Variants in PCDH15 observed in about 807,000 individuals in gnomAD.
PCDH15 encodes protocadherin related 15, also known as protocadherin-15.
PCDH15 carries 129 observed loss-of-function variants against 178.5 expected under a neutral mutation model. The observed-to-expected ratio is 0.72, with a 90% confidence interval of 0.63 to 0.84. PCDH15 has a LOEUF of 0.84. Ranked by LOEUF, PCDH15 falls within the 40% of genes least tolerant of loss-of-function variation. PCDH15 has a pLI of 0.00. For synonymous variants in PCDH15, 800 were observed against 732.0 expected (o/e 1.09, Z -1.50); for missense variants, 2,230 against 2,099.9 (o/e 1.06, Z -1.21).
chr10:54,381,381 C>G (rs1218172277), intron 3 of PCDH15, among the ~76,000 whole-genome samples: 2 of 152,066 alleles, frequency 1.3e-5, no homozygotes, highest in East Asian at 3.9e-4. Flanking sequence ...GTGTTCTAGA[C>G]AATATTGGCA....
At chr10:55,348,151 C>T (rs1844813261) in intron 2 of PCDH15, among the ~76,000 whole-genome samples, 1 of 152,110 alleles carries the variant, frequency 6.6e-6, no homozygotes, top group African/African-American at 2.4e-5. Context: ...TCCCATGCTT[C>T]CCTTTCCAAT....
chr10:54,739,498 C>T (rs996252253), intron 1 of PCDH15, among the ~76,000 whole-genome samples: 1 of 151,020 alleles, frequency 6.6e-6, no homozygotes, highest in Non-Finnish European at 1.5e-5. Context: ...TTCATACCAG[C>T]TAAAGTGATC....
At chr10:53,821,910 T>C (rs931395591) in intron 32 of PCDH15, 1 of 1,613,728 alleles carries the variant, frequency 6.2e-7, no homozygotes, top group Non-Finnish European at 8.5e-7. Context: ...CTCGACAATA[T>C]TGTTCAAACT....
chr10:54,896,473 A>T (rs917135434), intron 3 of PCDH15, among the ~76,000 whole-genome samples: 1 of 150,332 alleles, frequency 6.7e-6, no homozygotes, highest in African/African-American at 2.5e-5. Context: ...TTCTTTCTTG[A>T]TTTATTCCCT....
At chr10:55,209,700 G>T (rs1564894487) in intron 1 of PCDH15, among the ~76,000 whole-genome samples, 1 of 152,080 alleles carries the variant, frequency 6.6e-6, no homozygotes, top group Non-Finnish European at 1.5e-5. Context: ...TAGACTAATA[G>T]AATTGAGAGT....
chr10:55,228,654 G>A (rs545841415), intron 1 of PCDH15, among the ~76,000 whole-genome samples: 3 of 151,874 alleles, frequency 2.0e-5, no homozygotes, highest in African/African-American at 7.2e-5. Context: ...GGAAACTAAG[G>A]GAGCTTGCCA....
intron 3 of PCDH15, among the ~76,000 whole-genome samples, chr10:54,846,367 G>A (rs1953511980): frequency 6.6e-6 from 1 of 152,122 alleles, no homozygotes; most frequent in South Asian, 2.1e-4. Context: ...GTCCCTCGGG[G>A]TTTGTTAAAT....
intron 14 of PCDH15, among the ~76,000 whole-genome samples, chr10:54,148,755 A>T (rs888713337): frequency 6.6e-6 from 1 of 152,046 alleles, no homozygotes; most frequent in East Asian, 1.9e-4. Flanking sequence ...ATTTTTGACA[A>T]ATCTATTTCT....
At chr10:53,895,901 A>C (rs1454959599) in intron 26 of PCDH15, among the ~76,000 whole-genome samples, 1 of 152,232 alleles carries the variant, frequency 6.6e-6, no homozygotes, top group East Asian at 1.9e-4. Context: ...CCTGGGAAGC[A>C]ATGTAAGAGG....
chr10:54,178,476 T>C (rs571319304), intron 13 of PCDH15, among the ~76,000 whole-genome samples: 2 of 152,172 alleles, frequency 1.3e-5, no homozygotes, highest in South Asian at 4.1e-4. Flanking sequence ...GGGAAGGGAT[T>C]AGTCACTGGA....
At chr10:55,230,668 A>C (rs188939188) in intron 1 of PCDH15, among the ~76,000 whole-genome samples, 24 of 152,190 alleles carry the variant, frequency 1.6e-4, no homozygotes, top group Admixed American at 4.6e-4. Context: ...GTCTAGGAGA[A>C]TGGAAAGTGT....
chr10:55,543,160 T>G (rs1841801723), intron 2 of PCDH15, among the ~76,000 whole-genome samples: 1 of 147,744 alleles, frequency 6.8e-6, no homozygotes, highest in Non-Finnish European at 1.5e-5. Flanking sequence ...CATATGTATG[T>G]GTCTATATAG....
intron 2 of PCDH15, among the ~76,000 whole-genome samples, chr10:54,576,902 A>T (rs2090527529): frequency 6.6e-6 from 1 of 152,168 alleles, no homozygotes; most frequent in African/African-American, 2.4e-5. Flanking sequence ...ATACATTGGT[A>T]GTTCCGCTCT....
At chr10:55,472,272 A>T (rs1175576843) in intron 2 of PCDH15, among the ~76,000 whole-genome samples, 2 of 151,460 alleles carry the variant, frequency 1.3e-5, no homozygotes, top group African/African-American at 4.9e-5. Context: ...TAAATTAAAT[A>T]TTTTTTTCAG....
intron 5 of PCDH15, among the ~76,000 whole-genome samples, chr10:54,356,880 C>A (rs779154908): frequency 2.6e-5 from 4 of 151,998 alleles, no homozygotes; most frequent in Non-Finnish European, 5.9e-5. Flanking sequence ...AAATGTAATC[C>A]CCCATATAAA....
intron 1 of PCDH15, among the ~76,000 whole-genome samples, chr10:54,742,181 T>A (rs944041868): frequency 1.3e-5 from 2 of 152,074 alleles, no homozygotes; most frequent in Non-Finnish European, 2.9e-5. Context: ...ACATCTAACA[T>A]GTCAGCGCTT....
intron 15 of PCDH15, among the ~76,000 whole-genome samples, chr10:54,096,697 T>C (rs1338698252): frequency 1.3e-5 from 2 of 152,124 alleles, no homozygotes; most frequent in East Asian, 1.9e-4. Context: ...GGGCACTGAA[T>C]GCCATTCATG....
intron 13 of PCDH15, among the ~76,000 whole-genome samples, chr10:54,160,537 G>C (rs1459613329): frequency 6.6e-6 from 1 of 152,008 alleles, no homozygotes; most frequent in Non-Finnish European, 1.5e-5. Flanking sequence ...GACAGTAAAA[G>C]TATGATACAA....
intron 10 of PCDH15, among the ~76,000 whole-genome samples, chr10:54,207,146 A>G (rs2050881580): frequency 6.6e-6 from 1 of 152,138 alleles, no homozygotes; most frequent in African/African-American, 2.4e-5. Flanking sequence ...TTTGACAGCC[A>G]CTATATTCAA....
Sources: allele counts gnomAD v4.1 joint callset (sites outside exome capture counted in the v4.1 genomes callset), GRCh38; gene constraint gnomAD v4.1.1; transcripts MANE v1.5; gene names NCBI Gene and HGNC (gene_info 2026-07-23, HGNC 2026-07-21).